NCALD: variants seen among roughly 807,000 people sequenced by gnomAD.
NCALD encodes neurocalcin-delta.
NCALD carries 10 observed loss-of-function variants against 18.6 expected under a neutral mutation model. The ratio of observed to expected loss-of-function variants is 0.54; its 90% CI spans 0.33 to 0.91. The LOEUF (loss-of-function observed/expected upper bound fraction) is 0.91, where lower values mean the gene tolerates loss of function less well. Among genes scored for constraint, NCALD ranks in the 40% least tolerant of loss-of-function variants. NCALD has a pLI of 0.03. For synonymous variants in NCALD, 88 were observed against 87.4 expected, an observed-to-expected ratio of 1.01 and a Z score of -0.04; for missense variants, 184 against 247.6, an observed-to-expected ratio of 0.74 and a Z score of 1.72.
chr8:101,930,853 C>G (rs1218944301), intron 2 of NCALD, among the ~76,000 whole-genome samples: 1 of 152,178 alleles, frequency 6.6e-6, no homozygotes. Context: ...GCAGCCAGCA[C>G]ATCAAGTGCC....
At chr8:101,880,109 G>A (rs573353087) in intron 4 of NCALD, among the ~76,000 whole-genome samples, 1 of 152,220 alleles carries the variant, frequency 6.6e-6, no homozygotes, top group Admixed American at 6.5e-5. Flanking sequence ...GGGAGGCTGG[G>A]GCATGGTGGG....
chr8:101,947,364 A>G (rs1478477280), intron 2 of NCALD, among the ~76,000 whole-genome samples: 2 of 152,234 alleles, frequency 1.3e-5, no homozygotes, highest in Non-Finnish European at 2.9e-5. Flanking sequence ...AGAGTCCTCC[A>G]TCATGACAAT....
At chr8:101,777,502 G>A (rs375282125) in intron 1 of NCALD, among the ~76,000 whole-genome samples, 7 of 152,148 alleles carry the variant, frequency 4.6e-5, no homozygotes, top group East Asian at 1.9e-4. Flanking sequence ...TGGCTCATGT[G>A]ACCCACCTAT....
rs10617345 is a variant in NCALD, at chr8:102,054,660, C to CGATAGATA, written c.-209-34379_-209-34372dup. Among the ~76,000 whole-genome samples the CGATAGATA allele has an allele frequency of 5.7e-3, 806 of 142,372 alleles. 1 individual carries two copies. Among genetic ancestry groups the CGATAGATA allele is most frequent in the African/African-American group, 6.9e-3 (259 of 37,616 alleles). 93.4% of individuals were successfully genotyped at this position (142,372 alleles called of 152,430 possible). A position where few individuals can be genotyped will look rare whatever the true frequency, so the allele number is the denominator to read the frequency against. The stretch of plus-strand genomic sequence containing the variant: ...CTGATATGTCTCTCTCTTTCTCTTC[C>CGATAGATA]GATAGATAGATAGATAGATAGATAG... On this transcript the variant is annotated intron_variant, in intron 1 of 6. Transcript: ENST00000311028.
upstream of NCALD, among the ~76,000 whole-genome samples, chr8:101,795,311 G>A (rs118045085): frequency 6.6e-3 from 999 of 152,250 alleles, 27 homozygotes; most frequent in Admixed American, 0.05. Context: ...TATATTGAGC[G>A]TCTTATTCCA....
intron 3 of NCALD, chr8:101,691,217 C>T (rs1179500374): frequency 1.0e-6 from 1 of 985,290 alleles, no homozygotes; most frequent in African/African-American, 1.7e-5. Context: ...TGTGAACTTA[C>T]AGCCCCTCTT....
intron 2 of NCALD, among the ~76,000 whole-genome samples, chr8:101,955,394 C>G (rs1355582432): frequency 6.6e-6 from 1 of 152,038 alleles, no homozygotes; most frequent in African/African-American, 2.4e-5. Flanking sequence ...GAGCCTAGAA[C>G]AAGGCAAAAG....
At chr8:102,047,800 C>T (rs1823301141) in intron 1 of NCALD, among the ~76,000 whole-genome samples, 1 of 152,136 alleles carries the variant, frequency 6.6e-6, no homozygotes, top group African/African-American at 2.4e-5. Flanking sequence ...ATCTGTAATA[C>T]AGGACCCCTC....
intron 1 of NCALD, among the ~76,000 whole-genome samples, chr8:101,762,122 T>A (rs190995232): frequency 8.7e-4 from 133 of 152,310 alleles, no homozygotes; most frequent in African/African-American, 3.1e-3. Context: ...CTCTGTTAAA[T>A]CAGCTGAATC....
At chr8:101,747,654 G>T (rs1810481472) in intron 1 of NCALD, among the ~76,000 whole-genome samples, 1 of 151,952 alleles carries the variant, frequency 6.6e-6, no homozygotes, top group South Asian at 2.1e-4. Context: ...CTTCCCTACA[G>T]ATTATCTCCT....
At chr8:101,732,557 C>A (rs1362654665) in intron 1 of NCALD, among the ~76,000 whole-genome samples, 1 of 133,376 alleles carries the variant, frequency 7.5e-6, no homozygotes, top group African/African-American at 2.7e-5. Flanking sequence ...ATCTGAGATT[C>A]TGGTTGCAAT....
intron 1 of NCALD, among the ~76,000 whole-genome samples, chr8:101,760,485 C>T (rs1166973953): frequency 3.9e-5 from 6 of 152,172 alleles, no homozygotes; most frequent in Non-Finnish European, 8.8e-5. Context: ...TGCAAACTGA[C>T]GTCTGGATTA....
intron 1 of NCALD, among the ~76,000 whole-genome samples, chr8:102,027,011 C>T (rs904102559): frequency 1.3e-5 from 2 of 152,220 alleles, no homozygotes; most frequent in African/African-American, 2.4e-5. Context: ...GCTGAAGCAG[C>T]TGAGATACAG....
At chr8:101,912,332 T>C (rs1817830468) in intron 3 of NCALD, among the ~76,000 whole-genome samples, 1 of 152,204 alleles carries the variant, frequency 6.6e-6, no homozygotes, top group African/African-American at 2.4e-5. Flanking sequence ...TTTGAACTTT[T>C]ATAAAATGAG....
At chr8:102,111,831 T>A (rs1039139522) in intron 1 of NCALD, among the ~76,000 whole-genome samples, 1 of 152,132 alleles carries the variant, frequency 6.6e-6, no homozygotes, top group African/African-American at 2.4e-5. Context: ...AAATGATACA[T>A]ACATCTTCAC....
At chr8:101,929,222 G>A (rs1307740413) in intron 2 of NCALD, among the ~76,000 whole-genome samples, 1 of 121,562 alleles carries the variant, frequency 8.2e-6, no homozygotes, top group African/African-American at 3.4e-5. Flanking sequence ...CCTAAAGAAG[G>A]GGAAGAAGGA....
At chr8:101,695,567 C>G (rs576703804) in intron 2 of NCALD, among the ~76,000 whole-genome samples, 2 of 152,248 alleles carry the variant, frequency 1.3e-5, no homozygotes, top group African/African-American at 4.8e-5. Context: ...ATCTCCCCTC[C>G]TCCTTGGACT....
chr8:102,060,391 C>A (rs774720300), intron 1 of NCALD, among the ~76,000 whole-genome samples: 2 of 152,160 alleles, frequency 1.3e-5, no homozygotes, highest in Non-Finnish European at 2.9e-5. Flanking sequence ...TGGTTGTGAC[C>A]ACTTCTGGCT....
At chr8:101,893,807 G>A (rs1362311021) in intron 3 of NCALD, among the ~76,000 whole-genome samples, 23 of 142,920 alleles carry the variant, frequency 1.6e-4, no homozygotes, top group Non-Finnish European at 2.7e-4. Flanking sequence ...TCAACAAGAA[G>A]AGCTAACTAT....
Sources: allele counts gnomAD v4.1 joint callset (sites outside exome capture counted in the v4.1 genomes callset), GRCh38; gene constraint gnomAD v4.1.1; transcripts MANE v1.5; gene names NCBI Gene and HGNC (gene_info 2026-07-23, HGNC 2026-07-21).